Variants in RYR2 observed in about 807,000 individuals in gnomAD.
RYR2 encodes the protein cardiac muscle ryanodine receptor-calcium release channel.
In RYR2, 227 loss-of-function variants were observed where a neutral mutation model predicts 601.1. The ratio of observed to expected loss-of-function variants is 0.38; its 90% CI spans 0.34 to 0.42. The LOEUF (loss-of-function observed/expected upper bound fraction) is 0.42. Among genes scored for constraint, RYR2 ranks in the 10% least tolerant of loss-of-function variants. The pLI is 1.00. For synonymous variants in RYR2, 2,223 were observed against 2,175.1 expected, an observed-to-expected ratio of 1.02 and a Z score of -0.61; for missense variants, 4,646 against 6,156.5, an observed-to-expected ratio of 0.75 and a Z score of 8.21.
At chr1:237,682,607 A>T (rs1685988556) in intron 62 of RYR2, among the ~76,000 whole-genome samples, 1 of 152,206 alleles carries the variant, frequency 6.6e-6, no homozygotes, top group African/African-American at 2.4e-5. Context: ...AGGTTTGTGT[A>T]AGTACATTCT....
intron 29 of RYR2, among the ~76,000 whole-genome samples, chr1:237,589,147 TC>T: frequency 6.6e-6 from 1 of 152,328 alleles, no homozygotes; most frequent in East Asian, 1.9e-4. Context: ...TGTACCTCAT[TC>T]ATGCATAAAT....
In RYR2 at chr1:237,660,899, CAG is replaced by C; in HGVS notation, c.8389_8390del (p.Ser2797HisfsTer30). On this transcript the variant is annotated frameshift_variant, in exon 56 of 105. Transcript: ENST00000366574. LOFTEE classifies it high-confidence loss of function. Reference protein sequence around the residue: ...WRIERTREGDSMALYNRTRRI... With the variant: ...WRIERTREGDXMALYNRTRRI... The stretch of plus-strand genomic sequence containing the variant: ...GAATTGAAAGAACTCGGGAGGGAGA[CAG>C]CATGGCCCTTTACAACCGGACTCGT... 6.6e-7 allele frequency: 1 copy of C among 1,521,876 alleles called. No homozygotes were observed. Among genetic ancestry groups the C allele is most frequent in the Non-Finnish European group, 8.8e-7 (1 of 1,131,322 alleles). The allele number at this position is 1,521,876 out of a possible 1,614,324, so 94.3% of individuals were successfully genotyped here. A position where few individuals can be genotyped will look rare whatever the true frequency, so the allele number is the denominator to read the frequency against.
In RYR2 at chr1:237,784,511, C is replaced by T. The variant is rs1339898925; in HGVS notation, c.12799C>T (p.Gln4267Ter). 1 of 1,613,642 alleles carries T rather than the reference C, an allele frequency of 6.2e-7. No individual in the cohort carries two copies. Among genetic ancestry groups the T allele is most frequent in the Non-Finnish European group, 8.5e-7 (1 of 1,179,772 alleles). The change falls in exon 90 of 105, where the codon CAG becomes TAG. Residue 4267 changes from glutamine to a stop codon, truncating the protein, a stop_gained. Coordinates refer to ENST00000366574, the MANE Select transcript of RYR2 (RefSeq NM_001035.3). LOFTEE classifies it high-confidence loss of function. The surrounding 1 kb of genome is among the most constrained non-coding windows in gnomAD (Gnocchi z 7.1). ...GCTCAGTCTGAAGAGCCTGAAGAAGCAGATGAAAAAAGTAAAAAAGATGAC... is the reference window on the plus strand; with the variant it reads ...GCTCAGTCTGAAGAGCCTGAAGAAGTAGATGAAAAAAGTAAAAAAGATGAC... The part of the protein sequence containing the change: ...RMLSLKSLKK[Q>*]MKKVKKMTVK...
chr1:237,683,567 T>C (rs938651091), intron 62 of RYR2, among the ~76,000 whole-genome samples: 1 of 152,174 alleles, frequency 6.6e-6, no homozygotes. Context: ...ATTTTCTAAA[T>C]GTAGATAACT....
In RYR2 at chr1:237,699,232, G is replaced by A. The variant is rs1430691350; in HGVS notation, c.9128+207G>A. 2.0e-5 allele frequency among the ~76,000 whole-genome samples: 3 copies of A among 152,090 alleles called. No individual in the cohort carries two copies. In the East Asian group the frequency reaches 5.8e-4, roughly 29 times the overall value. On this transcript the variant is annotated intron_variant, in intron 64 of 104. Transcript: ENST00000366574. ...TATATAGATTATTATTTAATGTCAG[G>A]TAATTTCTGTAGCAGCTAGGACCAT...
intron 1 of RYR2, among the ~76,000 whole-genome samples, chr1:237,161,227 C>A (rs925501420): frequency 6.6e-6 from 1 of 152,056 alleles, no homozygotes; most frequent in African/African-American, 2.4e-5. Context: ...TTACTTCTTA[C>A]AACAAACAGG....
intron 100 of RYR2, 133 bp downstream of exon 100, chr1:237,809,168 TAA>T (rs1660990228): frequency 1.2e-6 from 1 of 832,714 alleles, no homozygotes; most frequent in Non-Finnish European, 1.9e-6. Flanking sequence ...CAGGGCTGTT[TAA>T]AGATTCAGCA....
At chr1:237,737,848 A>G (rs1416767286) in intron 79 of RYR2, among the ~76,000 whole-genome samples, 1 of 152,242 alleles carries the variant, frequency 6.6e-6, no homozygotes. Context: ...TCTTAAAGAA[A>G]TCAAGATGTT....
At position 237,819,234 on chromosome 1, in the gene RYR2, T is replaced by A. The variant is rs1662163578; in HGVS notation, c.14590+42T>A. 4 of 1,564,152 alleles carry A rather than the reference T, an allele frequency of 2.6e-6. No individual in the cohort carries two copies. Among genetic ancestry groups the A allele is most frequent in the Non-Finnish European group, 3.5e-6 (4 of 1,137,964 alleles). On this transcript the variant is annotated intron_variant, in intron 101 of 104. Coordinates refer to ENST00000366574, the MANE Select transcript of RYR2 (RefSeq NM_001035.3). The surrounding 1 kb of genome is among the most constrained non-coding windows in gnomAD (Gnocchi z 4.0). ...CTGAAGCTGATGAACATCTAGAATT[T>A]GAGCCACATGTTGCTGAAGTTAATA...
chr1:237,775,593 TA>T (rs1465404815), intron 87 of RYR2, among the ~76,000 whole-genome samples: 1 of 152,290 alleles, frequency 6.6e-6, no homozygotes, highest in African/African-American at 2.4e-5. Flanking sequence ...GAAAGTTATA[TA>T]AGGGGGAGAT....
chr1:237,200,730 A>G (rs6693781), intron 1 of RYR2, among the ~76,000 whole-genome samples: 12,145 of 152,292 alleles, frequency 0.08, 559 homozygotes, highest in East Asian at 0.15. Flanking sequence ...CTCTGGCCAA[A>G]TAAGAGACAG....
intron 1 of RYR2, among the ~76,000 whole-genome samples, chr1:237,138,742 T>A (rs2148744269): frequency 6.6e-6 from 1 of 152,352 alleles, no homozygotes; most frequent in Non-Finnish European, 1.5e-5. Flanking sequence ...TAAAAGTAAT[T>A]CTACTTTAAA....
chr1:237,777,795 G>C (rs1234655417), intron 87 of RYR2, among the ~76,000 whole-genome samples: 1 of 152,200 alleles, frequency 6.6e-6, no homozygotes, highest in African/African-American at 2.4e-5. Context: ...AACTATTTAT[G>C]AATGGAGCAA....
intron 61 of RYR2, among the ~76,000 whole-genome samples, chr1:237,679,151 G>A (rs910527897): frequency 5.3e-5 from 8 of 152,046 alleles, no homozygotes; most frequent in African/African-American, 9.7e-5. Flanking sequence ...ATATATCTCC[G>A]GTCTCTGTGA....
intron 58 of RYR2, among the ~76,000 whole-genome samples, chr1:237,671,547 G>A (rs997487651): frequency 6.6e-6 from 1 of 151,678 alleles, no homozygotes; most frequent in African/African-American, 2.4e-5. Flanking sequence ...GTGCGTGTGA[G>A]AGAGAGAGAA....
chr1:237,503,197 T>C (rs569368783), intron 21 of RYR2, 92 bp from the exon 22 acceptor site: 4 of 1,153,372 alleles, frequency 3.5e-6, no homozygotes, highest in South Asian at 2.8e-5. Context: ...TAAAATACTT[T>C]TGTACTAACA....
At chr1:237,404,068 A>C (rs1473112464) in intron 10 of RYR2, among the ~76,000 whole-genome samples, 1 of 152,168 alleles carries the variant, frequency 6.6e-6, no homozygotes, top group East Asian at 1.9e-4. Context: ...AGCCTGGGAA[A>C]CATGGCGAAA....
At chr1:237,313,993 C>A (rs1171586655) in intron 2 of RYR2, among the ~76,000 whole-genome samples, 2 of 93,840 alleles carry the variant, frequency 2.1e-5, no homozygotes, top group Admixed American at 1.3e-4. Context: ...ACATGAATAA[C>A]GTAATGGCAG....
chr1:237,492,259 T>G (rs1357623819), intron 18 of RYR2, among the ~76,000 whole-genome samples: 4 of 152,220 alleles, frequency 2.6e-5, no homozygotes, highest in Non-Finnish European at 4.4e-5. Flanking sequence ...CTTGAGCTCC[T>G]GACCTCAGGT....
Sources: gnomAD v4.1 joint callset for allele counts (sites outside exome capture counted in the v4.1 genomes callset) on GRCh38, gnomAD v4.1.1 for gene constraint, Gnocchi (gnomAD v3.1) non-coding constraint, MANE v1.5 for transcripts, NCBI Gene and HGNC (gene_info 2026-07-23, HGNC 2026-07-21) for gene names.